Variants in KCNAB1 observed in about 807,000 individuals in gnomAD.
The protein encoded by KCNAB1 is voltage-gated potassium channel subunit beta-1.
A neutral mutation model predicts 64.6 loss-of-function variants in KCNAB1; 35 were observed. The observed-to-expected ratio is 0.54, with a 90% CI of 0.41 to 0.72. The LOEUF (loss-of-function observed/expected upper bound fraction) is 0.72, where lower values mean the gene tolerates loss of function less well. Among genes scored for constraint, KCNAB1 ranks in the 30% least tolerant of loss-of-function variants. The pLI is 0.00. For missense variants in KCNAB1, 401 were observed against 512.9 expected (o/e 0.78, Z 2.11); for synonymous variants, 177 against 183.8 (o/e 0.96, Z 0.30).
intron 7 of KCNAB1, among the ~76,000 whole-genome samples, chr3:156,474,218 C>A (rs1014417902): frequency 6.6e-6 from 1 of 152,084 alleles, no homozygotes; most frequent in African/African-American, 2.4e-5. Context: ...ATTTGCTAAC[C>A]CCTTTATATT....
intron 1 of KCNAB1, among the ~76,000 whole-genome samples, chr3:156,336,351 G>A (rs1391662938): frequency 2.0e-5 from 3 of 148,364 alleles, no homozygotes; most frequent in Non-Finnish European, 4.5e-5. Flanking sequence ...AACAGAGTGA[G>A]ACTCTGTAAA....
intron 1 of KCNAB1, among the ~76,000 whole-genome samples, chr3:156,343,855 A>C (rs78346719): frequency 0.032 from 4,882 of 152,322 alleles, 259 homozygotes; most frequent in African/African-American, 0.11. Context: ...TTCTAAGCAG[A>C]AAAATGTGTA....
chr3:156,282,879 T>C (rs1211451211), intron 1 of KCNAB1, among the ~76,000 whole-genome samples: 15 of 151,678 alleles, frequency 9.9e-5, no homozygotes, highest in Non-Finnish European at 4.4e-5. Context: ...TGAGATGGGT[T>C]TCCTGAATAC....
chr3:156,130,659 C>T (rs1041782319), intron 1 of KCNAB1, among the ~76,000 whole-genome samples: 1 of 152,228 alleles, frequency 6.6e-6, no homozygotes, highest in Admixed American at 6.5e-5. Context: ...TGGCTCCCTG[C>T]CCTAGTTTGG....
chr3:156,150,968 C>T (rs779737517), intron 1 of KCNAB1, among the ~76,000 whole-genome samples: 23 of 152,152 alleles, frequency 1.5e-4, no homozygotes, highest in Non-Finnish European at 2.5e-4. Context: ...GGGTTCTGAG[C>T]TACACCACAG....
At chr3:156,176,144 G>T in intron 1 of KCNAB1, 3 of 770,196 alleles carry the variant, frequency 3.9e-6, no homozygotes, top group South Asian at 1.4e-5. Flanking sequence ...TCCCAGACAC[G>T]AACTGTATTG....
chr3:156,286,533 T>A (rs1023313418), intron 1 of KCNAB1, among the ~76,000 whole-genome samples: 1 of 152,198 alleles, frequency 6.6e-6, no homozygotes, highest in South Asian at 2.1e-4. Flanking sequence ...AATGTTTGGT[T>A]CTGACTTTAC....
intron 1 of KCNAB1, among the ~76,000 whole-genome samples, chr3:156,158,176 T>A (rs74565529): frequency 0.15 from 4,660 of 30,622 alleles, 418 homozygotes; most frequent in East Asian, 0.31. Context: ...AAAAAAAAAA[T>A]AAAAAATAAA....
intron 1 of KCNAB1, among the ~76,000 whole-genome samples, chr3:156,345,171 ATGTT>A (rs1397736439): frequency 1.3e-5 from 2 of 152,178 alleles, no homozygotes; most frequent in Non-Finnish European, 2.9e-5. Flanking sequence ...ACACTTAATA[ATGTT>A]TGTTTTGGGG....
At chr3:156,188,169 T>C (rs1343623623) in intron 1 of KCNAB1, among the ~76,000 whole-genome samples, 1 of 152,026 alleles carries the variant, frequency 6.6e-6, no homozygotes, top group African/African-American at 2.4e-5. Flanking sequence ...TTTTCCCAGC[T>C]TCCCTTGGTA....
Position 156,452,808 on chromosome 3 carries a change from T to C in KCNAB1, c.320-91T>C, listed in dbSNP as rs928588356. The C allele has an allele frequency of 7.6e-6, 7 of 919,994 alleles. No homozygotes were observed. Among genetic ancestry groups the C allele is most frequent in the African/African-American group, 5.0e-5 (3 of 60,426 alleles). The allele number at this position is 919,994 out of a possible 1,614,324, so 57.0% of individuals were successfully genotyped here. A position where few individuals can be genotyped will look rare whatever the true frequency, so the allele number is the denominator to read the frequency against. On this transcript the variant is annotated intron_variant, in intron 2 of 13. Transcript: ENST00000490337. The surrounding 1 kb of genome is among the most constrained non-coding windows in gnomAD (Gnocchi z 4.6). ...CTTTGTGAACTACCCATACAACCTA[T>C]TGAGGTAGTCCCAAAGTAAGAATTT...
intron 1 of KCNAB1, among the ~76,000 whole-genome samples, chr3:156,191,217 G>A (rs1713540897): frequency 6.6e-6 from 1 of 152,236 alleles, no homozygotes; most frequent in South Asian, 2.1e-4. Context: ...CAAGGCAACA[G>A]TTTGCTTTGC....
chr3:156,164,706 C>G (rs927238351), intron 1 of KCNAB1, among the ~76,000 whole-genome samples: 3 of 152,156 alleles, frequency 2.0e-5, no homozygotes, highest in Non-Finnish European at 2.9e-5. Context: ...GTCCGGGCCT[C>G]GGTACCAGTG....
chr3:156,246,634 CAA>C lies in KCNAB1; in HGVS notation c.275+125763_275+125764del, dbSNP rs11293726. Among the ~76,000 whole-genome samples the C allele has an allele frequency of 2.4e-3, 299 of 125,954 alleles. 2 individuals carry two copies. Among genetic ancestry groups the C allele is most frequent in the African/African-American group, 5.6e-3 (183 of 32,400 alleles). The allele number at this position is 125,954 out of a possible 152,430, so 82.6% of individuals were successfully genotyped here. A position where few individuals can be genotyped will look rare whatever the true frequency, so the allele number is the denominator to read the frequency against. ...AAAAAAAGTTAATAAAAAAAAGCAGCAAAAAAAAAAAAAAAACCCAACATTTT... is the reference window on the plus strand; with the variant it reads ...AAAAAAAGTTAATAAAAAAAAGCAGCAAAAAAAAAAAAAACCCAACATTTT... On this transcript the variant is annotated intron_variant, in intron 1 of 13. Transcript: ENST00000490337.
intron 3 of KCNAB1, among the ~76,000 whole-genome samples, chr3:156,453,841 G>T (rs935099339): frequency 6.6e-6 from 1 of 152,158 alleles, no homozygotes; most frequent in Non-Finnish European, 1.5e-5. Context: ...ACATTTATGT[G>T]TACTAATGGT....
chr3:156,171,245 A>G (rs1406211882), intron 1 of KCNAB1, among the ~76,000 whole-genome samples: 1 of 150,056 alleles, frequency 6.7e-6, no homozygotes, highest in East Asian at 2.0e-4. Context: ...GTTCCCATTT[A>G]TATCATTTTA....
intron 1 of KCNAB1, among the ~76,000 whole-genome samples, chr3:156,242,120 G>C (rs1229347478): frequency 6.6e-6 from 1 of 152,140 alleles, no homozygotes; most frequent in Non-Finnish European, 1.5e-5. Flanking sequence ...CTTAGTGTGG[G>C]CTGATTTTTG....
Position 156,515,185 on chromosome 3 carries a change from T to C in KCNAB1, c.830T>C (p.Val277Ala). The change falls in exon 10 of 14, where the codon GTG (valine) becomes GCG (alanine). Residue 277 changes from valine (V) to alanine (A), a missense_variant. Transcript: ENST00000490337. ...AEYHLFQREK[V>A]EVQLPELYHK... ...TACCATCTTTTCCAGAGAGAGAAAG[T>C]GGAGGTCCAGCTGCCAGAGCTCTAC... is the stretch of plus-strand genomic sequence containing the variant. 2 of 1,613,374 alleles carry C rather than the reference T, an allele frequency of 1.2e-6. No homozygotes were observed. The highest frequency in any genetic ancestry group is 1.7e-6 in the Non-Finnish European group (2 of 1,179,582).
chr3:156,381,843 G>A (rs745877303), intron 1 of KCNAB1, among the ~76,000 whole-genome samples: 5 of 152,148 alleles, frequency 3.3e-5, no homozygotes, highest in Admixed American at 6.5e-5. Flanking sequence ...CATTTGACAC[G>A]TGAAAGGTTC....
Sources: allele counts gnomAD v4.1 joint callset (sites outside exome capture counted in the v4.1 genomes callset), GRCh38; gene constraint gnomAD v4.1.1; non-coding constraint Gnocchi (gnomAD v3.1); transcripts MANE v1.5; gene names NCBI Gene and HGNC (gene_info 2026-07-23, HGNC 2026-07-21).